Variants in CNTNAP2 observed in about 807,000 individuals in gnomAD.
CNTNAP2 encodes the protein contactin-associated protein-like 2.
A neutral mutation model predicts 155.2 loss-of-function variants in CNTNAP2; 98 were observed. That is an observed-to-expected ratio of 0.63 (90% confidence interval 0.54 to 0.75). The LOEUF (loss-of-function observed/expected upper bound fraction) is 0.75, where lower values mean the gene tolerates loss of function less well. CNTNAP2 is among the 30% of genes least tolerant of loss of function. The pLI, the probability that CNTNAP2 is intolerant of heterozygous loss-of-function variation, is 0.00. For missense variants in CNTNAP2, 1,727 were observed against 1,688.1 expected, an observed-to-expected ratio of 1.02 and a Z score of -0.40; for synonymous variants, 651 against 631.2, an observed-to-expected ratio of 1.03 and a Z score of -0.47.
At chr7:148,014,312 G>C (rs1478004625) in intron 15 of CNTNAP2, 1 of 150,098 alleles carries the variant, frequency 6.7e-6, no homozygotes, top group Non-Finnish European at 1.5e-5. Context: ...CTTTGACTTG[G>C]TCTTGCAATG....
intron 15 of CNTNAP2, among the ~76,000 whole-genome samples, chr7:148,078,202 T>A (rs1803532510): frequency 6.6e-6 from 1 of 152,014 alleles, no homozygotes; most frequent in South Asian, 2.1e-4. Context: ...TAGCTGGGAT[T>A]ACAGGTGCAT....
At chr7:146,539,021 T>G (rs755289239) in intron 1 of CNTNAP2, among the ~76,000 whole-genome samples, 20 of 152,118 alleles carry the variant, frequency 1.3e-4, no homozygotes, top group Non-Finnish European at 2.9e-4. Flanking sequence ...TAGCCCATTT[T>G]AAAGTCATAT....
At chr7:147,976,350 G>C (rs1801425747) in intron 14 of CNTNAP2, among the ~76,000 whole-genome samples, 1 of 152,136 alleles carries the variant, frequency 6.6e-6, no homozygotes, top group Non-Finnish European at 1.5e-5. Flanking sequence ...TAAATATTAA[G>C]TTTAATATCA....
intron 10 of CNTNAP2, among the ~76,000 whole-genome samples, chr7:147,449,676 C>A (rs1490681753): frequency 6.6e-6 from 1 of 151,994 alleles, no homozygotes; most frequent in Admixed American, 6.6e-5. Context: ...ATATAAACAT[C>A]CAGTCAGTTT....
chr7:146,646,912 G>A (rs1447897112), intron 1 of CNTNAP2, among the ~76,000 whole-genome samples: 1 of 152,182 alleles, frequency 6.6e-6, no homozygotes, highest in Non-Finnish European at 1.5e-5. Context: ...ATCCAAGCCA[G>A]TTTGACACAG....
At chr7:148,181,802 G>A (rs964344707) in intron 18 of CNTNAP2, among the ~76,000 whole-genome samples, 1 of 126,754 alleles carries the variant, frequency 7.9e-6, no homozygotes, top group Non-Finnish European at 1.6e-5. Flanking sequence ...CTGTCACCCA[G>A]GCTGGAGTTC....
intron 5 of CNTNAP2, among the ~76,000 whole-genome samples, chr7:147,110,457 A>G (rs1800852700): frequency 6.6e-6 from 1 of 152,030 alleles, no homozygotes; most frequent in Non-Finnish European, 1.5e-5. Context: ...TTGTCTGCAC[A>G]GATCATCCCA....
intron 21 of CNTNAP2, among the ~76,000 whole-genome samples, chr7:148,337,909 A>C (rs182097397): frequency 6.6e-6 from 1 of 152,358 alleles, no homozygotes; most frequent in Non-Finnish European, 1.5e-5. Context: ...AAACTTGATT[A>C]GTTTAATCTT....
rs1585000062 is a variant in CNTNAP2, at chr7:146,598,513, A to G, written c.98-175758A>G. On this transcript the variant is annotated intron_variant, in intron 1 of 23. Coordinates refer to ENST00000361727, the MANE Select transcript of CNTNAP2 (RefSeq NM_014141.6). ...CTACTCTATCAAAATATGTCTTGTC[A>G]GTGTTACCAATGGTTTTCACATGGC... Among the ~76,000 whole-genome samples the G allele has an allele frequency of 3.9e-5, 6 of 152,184 alleles. 1 individual carries two copies. Among genetic ancestry groups the G allele is most frequent in the Admixed American group, 3.9e-4 (6 of 15,272 alleles).
At chr7:146,564,946 C>G (rs959907229) in intron 1 of CNTNAP2, among the ~76,000 whole-genome samples, 2 of 152,074 alleles carry the variant, frequency 1.3e-5, no homozygotes, top group Admixed American at 6.5e-5. Flanking sequence ...TAAGTGACTG[C>G]TCAAGATCAC....
At chr7:146,132,369 A>C (rs1447985875) in intron 1 of CNTNAP2, among the ~76,000 whole-genome samples, 2 of 152,150 alleles carry the variant, frequency 1.3e-5, no homozygotes, top group Non-Finnish European at 2.9e-5. Context: ...TGATTCAGTA[A>C]ATCTGGAGTG....
intron 3 of CNTNAP2, among the ~76,000 whole-genome samples, chr7:146,920,496 T>C (rs538910762): frequency 1.5e-4 from 23 of 151,842 alleles, no homozygotes; most frequent in African/African-American, 5.6e-4. Context: ...TGAAAAATAA[T>C]AACATCACTT....
At chr7:147,956,270 T>C (rs1354075992) in intron 14 of CNTNAP2, among the ~76,000 whole-genome samples, 2 of 145,250 alleles carry the variant, frequency 1.4e-5, no homozygotes, top group Non-Finnish European at 3.0e-5. Flanking sequence ...TTGGAGAATA[T>C]CTCAAGATGA....
intron 1 of CNTNAP2, among the ~76,000 whole-genome samples, chr7:146,460,641 C>T (rs1001680210): frequency 2.6e-5 from 4 of 152,038 alleles, no homozygotes; most frequent in African/African-American, 7.3e-5. Flanking sequence ...ACTATGCAAC[C>T]TTTAAAAAGA....
At chr7:147,986,864 GT>G in intron 15 of CNTNAP2, among the ~76,000 whole-genome samples, 1 of 109,028 alleles carries the variant, frequency 9.2e-6, no homozygotes, top group African/African-American at 4.1e-5. Context: ...TTTTTGTTAT[GT>G]TTTTTGTTTG....
chr7:147,986,500 C>T lies in CNTNAP2; in HGVS notation c.2383+8511C>T, dbSNP rs536894967. ...AATCACAGTGTCCTAACAGTGGAAG[C>T]GTCTTAGAGATCAACCAGTGCAGAA... On this transcript the variant is annotated intron_variant, in intron 15 of 23. Transcript: ENST00000361727. Among the ~76,000 whole-genome samples, 10 of 152,246 alleles carry T rather than the reference C, an allele frequency of 6.6e-5. No individual in the cohort carries two copies. In the South Asian group the frequency reaches 1.9e-3, roughly 28 times the overall value.
At chr7:146,167,227 A>T (rs1373555958) in intron 1 of CNTNAP2, among the ~76,000 whole-genome samples, 5 of 152,242 alleles carry the variant, frequency 3.3e-5, no homozygotes, top group Non-Finnish European at 4.4e-5. Context: ...TCTAGTATGA[A>T]TTACTTATAC....
intron 3 of CNTNAP2, among the ~76,000 whole-genome samples, chr7:146,984,133 T>C (rs12703873): frequency 0.34 from 51,319 of 151,780 alleles, 8,830 homozygotes; most frequent in African/African-American, 0.4. Context: ...TTTGGGAGGC[T>C]GAGGTGGGTG....
chr7:146,882,322 T>A (rs1795567727), intron 3 of CNTNAP2, among the ~76,000 whole-genome samples: 1 of 152,066 alleles, frequency 6.6e-6, no homozygotes, highest in African/African-American at 2.4e-5. Flanking sequence ...TTTGGGAATA[T>A]ACCCAGTGAT....
Sources: gnomAD v4.1 joint callset for allele counts (sites outside exome capture counted in the v4.1 genomes callset) on GRCh38, gnomAD v4.1.1 for gene constraint, MANE v1.5 for transcripts, NCBI Gene and HGNC (gene_info 2026-07-23, HGNC 2026-07-21) for gene names.